The following MROH7 variants were observed in gnomAD, a reference collection of about 807,000 sequenced individuals.
The protein encoded by MROH7 is maestro heat like repeat family member 7.
MROH7 carries 113 observed loss-of-function variants against 129.2 expected under a neutral mutation model. The observed-to-expected ratio is 0.87, with a 90% CI of 0.75 to 1.02. The LOEUF (loss-of-function observed/expected upper bound fraction) is 1.02. MROH7 is among the 50% of genes least tolerant of loss of function. The pLI is 0.00. For synonymous variants in MROH7, 655 were observed against 667.9 expected (o/e 0.98, Z 0.30); for missense variants, 1,601 against 1,671.3 (o/e 0.96, Z 0.73).
chr1:54,690,522 C>G (rs72669957), intron 15 of MROH7, among the ~76,000 whole-genome samples: 23,510 of 151,096 alleles, frequency 0.16, 2,067 homozygotes, highest in East Asian at 0.28. Flanking sequence ...CAGCTCACTG[C>G]AAACTCCGCC....
At chr1:54,690,978 G>A (rs1480631917) in intron 15 of MROH7, among the ~76,000 whole-genome samples, 1 of 152,296 alleles carries the variant, frequency 6.6e-6, no homozygotes. Context: ...TATGCAGGAG[G>A]CTCATTCTGT....
At chr1:54,705,202 G>T (rs1035378634) in intron 21 of MROH7, among the ~76,000 whole-genome samples, 1 of 152,216 alleles carries the variant, frequency 6.6e-6, no homozygotes, top group Non-Finnish European at 1.5e-5. Context: ...TGGGTCCTCA[G>T]TTTCTTCTTT....
intron 4 of MROH7, among the ~76,000 whole-genome samples, chr1:54,668,432 C>T (rs779830233): frequency 3.3e-5 from 5 of 152,118 alleles, no homozygotes; most frequent in Non-Finnish European, 5.9e-5. Context: ...ATGATGAGAA[C>T]GGAGAGATTA....
chr1:54,704,791 CTCT>C (rs1645502662), intron 21 of MROH7, among the ~76,000 whole-genome samples: 1 of 67,272 alleles, frequency 1.5e-5, no homozygotes, highest in Admixed American at 1.6e-4. Context: ...TTCAATGTAG[CTCT>C]TTTTTTTTTT....
chr1:54,642,219 G>A (rs138200328), intron 1 of MROH7, among the ~76,000 whole-genome samples: 1 of 152,324 alleles, frequency 6.6e-6, no homozygotes, highest in Non-Finnish European at 1.5e-5. Context: ...AACATTTATT[G>A]AGGACTTGCT....
intron 21 of MROH7, among the ~76,000 whole-genome samples, chr1:54,704,764 T>C (rs1645501401): frequency 6.9e-6 from 1 of 145,266 alleles, no homozygotes; most frequent in African/African-American, 2.6e-5. Context: ...TACATTTTTA[T>C]AGGACATGAA....
Position 54,653,064 on chromosome 1 carries a change from G to C in MROH7, c.138G>C (p.Met46Ile), listed in dbSNP as rs781230144. ...QPHPDMAQVP[M>I]LNLLPSPGLA... The stretch of plus-strand genomic sequence containing the variant: ...ACCCAGACATGGCTCAGGTGCCTAT[G>C]TTGAATCTGCTCCCAAGTCCTGGCT... Residue 46 changes from methionine to isoleucine, a missense_variant, in exon 3 of 24, where the codon ATG becomes ATC. Physicochemically the swap from Met to Ile is conservative, Grantham distance 10. Coordinates refer to ENST00000421030, the MANE Select transcript of MROH7 (RefSeq NM_001039464.4). 1 of 1,614,196 alleles carries C rather than the reference G, an allele frequency of 6.2e-7. No homozygotes were observed. Among genetic ancestry groups the C allele is most frequent in the African/African-American group, 1.3e-5 (1 of 75,056 alleles).
intron 21 of MROH7, among the ~76,000 whole-genome samples, chr1:54,706,043 T>A (rs1645528426): frequency 6.6e-6 from 1 of 152,202 alleles, no homozygotes; most frequent in Non-Finnish European, 1.5e-5. Flanking sequence ...GCCCTATTTC[T>A]GTCTGGCTTT....
chr1:54,676,645 T>C (rs1199346741), intron 10 of MROH7, among the ~76,000 whole-genome samples: 1 of 152,068 alleles, frequency 6.6e-6, no homozygotes, highest in Non-Finnish European at 1.5e-5. Context: ...TCTGACTGCC[T>C]TGGCCTCCCA....
At chr1:54,689,868 G>A (rs891840597) in intron 15 of MROH7, among the ~76,000 whole-genome samples, 1 of 152,160 alleles carries the variant, frequency 6.6e-6, no homozygotes, top group African/African-American at 2.4e-5. Flanking sequence ...AAATTAGCCA[G>A]GTGTGTGGTC....
chr1:54,686,574 C>G (rs1645151936), intron 15 of MROH7, 126 bp downstream of exon 15: 2 of 825,664 alleles, frequency 2.4e-6, no homozygotes, highest in Non-Finnish European at 3.7e-6. Context: ...GAAGAGAAAA[C>G]AGAAGCACAA....
chr1:54,644,085 A>G (rs1459360043), intron 1 of MROH7, among the ~76,000 whole-genome samples: 2 of 152,018 alleles, frequency 1.3e-5, no homozygotes, highest in East Asian at 1.9e-4. Flanking sequence ...CTGGATCTGT[A>G]TATTTATGTT....
chr1:54,679,879 G>A lies in MROH7; in HGVS notation c.2227-12G>A. On this transcript the variant is annotated splice_polypyrimidine_tract_variant and intron_variant, in intron 12 of 23. Transcript: ENST00000421030. ...AGTCCCCTTGCTCATGGCTGCCCCG[G>A]CTGTGCCCCAGATCCCAGAAATCAT... is the stretch of plus-strand genomic sequence containing the variant. 1 of 1,601,846 alleles carries A rather than the reference G, an allele frequency of 6.2e-7. No individual in the cohort carries two copies. Among genetic ancestry groups the A allele is most frequent in the Non-Finnish European group, 8.5e-7 (1 of 1,175,396 alleles).
In MROH7 at chr1:54,710,220, T is replaced by C. The variant is rs1337041901; in HGVS notation, c.*33T>C. ...GAGCCCCAAACCCTCCTCAGGGTGG[T>C]TGAGTTCCAGCCATGCTCCCTATAA... is the stretch of plus-strand genomic sequence containing the variant. On this transcript the variant is annotated 3_prime_UTR_variant, in exon 24 of 24. Coordinates refer to ENST00000421030, the MANE Select transcript of MROH7 (RefSeq NM_001039464.4). 2 of 1,600,256 alleles carry C rather than the reference T, an allele frequency of 1.2e-6. No individual in the cohort carries two copies. The highest frequency in any genetic ancestry group is 8.5e-7 in the Non-Finnish European group (1 of 1,175,034).
intron 3 of MROH7, among the ~76,000 whole-genome samples, chr1:54,661,412 G>A (rs1339444163): frequency 3.3e-5 from 5 of 151,546 alleles, no homozygotes; most frequent in African/African-American, 7.3e-5. Context: ...GGGTTTCTCC[G>A]TGTTGATCAG....
At chr1:54,678,538 G>A (rs1243191955) in intron 10 of MROH7, among the ~76,000 whole-genome samples, 2 of 152,156 alleles carry the variant, frequency 1.3e-5, no homozygotes, top group African/African-American at 2.4e-5. Context: ...GTCAGGGAGA[G>A]GGCTATTGAT....
chr1:54,678,907 G>C, intron 11 of MROH7, 53 bp downstream of exon 11: 2 of 1,373,646 alleles, frequency 1.5e-6, no homozygotes, highest in Non-Finnish European at 2.1e-6. Context: ...AGGAGGGGCA[G>C]TGCCACCTGG....
intron 10 of MROH7, among the ~76,000 whole-genome samples, chr1:54,674,653 T>C (rs980888794): frequency 3.3e-5 from 5 of 152,184 alleles, no homozygotes; most frequent in Non-Finnish European, 5.9e-5. Flanking sequence ...CAGCTAAAGC[T>C]TGTAGTTGGG....
At chr1:54,688,750 C>T (rs565987671) in intron 15 of MROH7, among the ~76,000 whole-genome samples, 1 of 152,300 alleles carries the variant, frequency 6.6e-6, no homozygotes, top group Admixed American at 6.5e-5. Context: ...TAGGTGCCGC[C>T]CTGAGAGCAT....
Sources: allele counts gnomAD v4.1 joint callset (sites outside exome capture counted in the v4.1 genomes callset), GRCh38; gene constraint gnomAD v4.1.1; transcripts MANE v1.5; gene names NCBI Gene and HGNC (gene_info 2026-07-23, HGNC 2026-07-21).